RNF145: variants seen among roughly 807,000 people sequenced by gnomAD.
RNF145 encodes ring finger protein 145.
RNF145 carries 12 observed loss-of-function variants against 57.3 expected under a neutral mutation model. The ratio of observed to expected loss-of-function variants is 0.21; its 90% confidence interval spans 0.13 to 0.34. The LOEUF is 0.34. RNF145 is among the 10% of genes least tolerant of loss of function. The probability of loss-of-function intolerance (pLI) is 1.00; values close to 1 mark genes in which losing one functional copy is unlikely to be tolerated. For synonymous variants in RNF145, 262 were observed against 288.3 expected, an observed-to-expected ratio of 0.91 and a Z score of 0.92; for missense variants, 429 against 799.0, an observed-to-expected ratio of 0.54 and a Z score of 5.58.
rs1267002561 is a variant in RNF145 at position 159,198,482 on chromosome 5, C to CCAT, written c.185-3659_185-3658insATG. Among the ~76,000 whole-genome samples the CCAT allele has an allele frequency of 2.6e-5, 4 of 152,196 alleles. No homozygotes were observed. In the East Asian group the frequency reaches 7.7e-4, roughly 29 times the overall value. ...TAGCTTTGGGTATGGAGCTGCCAGT[C>CCAT]AGCCATGAGATACATATTTAAATAG... is the stretch of plus-strand genomic sequence containing the variant. On this transcript the variant is annotated intron_variant, in intron 2 of 10. Transcript: ENST00000424310.
At chr5:159,176,915 C>T in intron 4 of RNF145, 48 bp from the exon 5 acceptor site, 1 of 1,170,400 alleles carries the variant, frequency 8.5e-7, no homozygotes. Flanking sequence ...TTGGCATCCA[C>T]AAAATAAAAA....
At chr5:159,188,544 G>T (rs1295230938) in intron 3 of RNF145, among the ~76,000 whole-genome samples, 1 of 152,050 alleles carries the variant, frequency 6.6e-6, no homozygotes, top group Non-Finnish European at 1.5e-5. Flanking sequence ...CTTAGTTTTG[G>T]ATAGTCTCAA....
At chr5:159,166,261 C>A (rs1325984953) in intron 8 of RNF145, among the ~76,000 whole-genome samples, 5 of 152,148 alleles carry the variant, frequency 3.3e-5, no homozygotes, top group Admixed American at 2.0e-4. Context: ...CTTTCTCTTA[C>A]TGATGTGTAG....
rs1232263156 is a variant in RNF145, at chr5:159,157,965, T to C, written c.*705A>G. ...AGTATACAACATATTTAACAAAAGT[T>C]TCATATACATCAAAATACTGAAGAC... is the stretch of plus-strand genomic sequence containing the variant. On this transcript the variant is annotated 3_prime_UTR_variant, in exon 11 of 11. Coordinates refer to ENST00000424310, the MANE Select transcript of RNF145 (RefSeq NM_001199383.2). 6.5e-6 allele frequency: 1 copy of C among 152,760 alleles called. No individual in the cohort carries two copies. The highest frequency in any genetic ancestry group is 1.5e-5 in the Non-Finnish European group (1 of 68,070). The allele number at this position is 152,760 out of a possible 1,614,324, so 9.5% of individuals were successfully genotyped here. A position where few individuals can be genotyped will look rare whatever the true frequency, so the allele number is the denominator to read the frequency against.
At position 159,203,787 on chromosome 5, in the gene RNF145, C is replaced by G. The variant is rs1021428275; in HGVS notation, c.-39-131G>C. On this transcript the variant is annotated intron_variant, in intron 1 of 10. Coordinates refer to ENST00000424310, the MANE Select transcript of RNF145 (RefSeq NM_001199383.2). ...GTGAGAACGTATACTACTTCTCAGC[C>G]ACAACTACTATTTTTAGATATTCAT... is the stretch of plus-strand genomic sequence containing the variant. The G allele has an allele frequency of 7.8e-5, 48 of 615,150 alleles. 2 individuals are homozygous for G. The highest frequency in any genetic ancestry group is 2.0e-5 in the Non-Finnish European group (7 of 353,032). 38.1% of individuals were successfully genotyped at this position (615,150 alleles called of 1,614,324 possible).
chr5:159,203,717 C>A (rs1785757591), intron 1 of RNF145, 61 bp from the exon 2 acceptor site: 7 of 1,089,888 alleles, frequency 6.4e-6, no homozygotes, highest in East Asian at 5.0e-5. Flanking sequence ...CTTTTAGATA[C>A]CCTTTCACGA....
intron 9 of RNF145, 148 bp downstream of exon 9, chr5:159,162,784 A>T (rs1335688234): frequency 3.2e-6 from 2 of 621,722 alleles, no homozygotes; most frequent in East Asian, 6.0e-5. Context: ...TGCTCAAATA[A>T]ATGTAATGTG....
At chr5:159,184,469 G>C (rs185844036) in intron 3 of RNF145, among the ~76,000 whole-genome samples, 1 of 152,120 alleles carries the variant, frequency 6.6e-6, no homozygotes, top group African/African-American at 2.4e-5. Flanking sequence ...TTATAAACAG[G>C]GAGGGGAGAT....
chr5:159,158,733 A>C lies in RNF145; in HGVS notation c.1929T>G (p.Ala643=). ...IARRPDNQEG[A]FDPKEYPHSA... is the part of the protein sequence containing the mutation. Reference sequence around the variant, plus strand: ...TGTGAGGATATTCTTTGGGGTCAAAAGCCCCTTCCTGGTTATCTGGTCGTC... The same window carrying C: ...TGTGAGGATATTCTTTGGGGTCAAACGCCCCTTCCTGGTTATCTGGTCGTC... The change falls in exon 11 of 11, where the codon GCT becomes GCG. Residue 643 remains alanine (A), a synonymous_variant. Coordinates refer to ENST00000424310, the MANE Select transcript of RNF145 (RefSeq NM_001199383.2). The C allele has an allele frequency of 6.2e-7, 1 of 1,613,958 alleles. No homozygotes were observed.
intron 6 of RNF145, among the ~76,000 whole-genome samples, chr5:159,173,402 G>A (rs755655818): frequency 5.9e-5 from 9 of 152,150 alleles, no homozygotes; most frequent in African/African-American, 1.4e-4. Context: ...ACCAATTACC[G>A]GACTCTTTCT....
intron 9 of RNF145, 50 bp from the exon 10 acceptor site, chr5:159,161,672 A>G: frequency 1.9e-6 from 2 of 1,064,594 alleles, no homozygotes; most frequent in Non-Finnish European, 2.8e-6. Context: ...TCACTAAGAT[A>G]CTTTTTTCAT....
intron 3 of RNF145, among the ~76,000 whole-genome samples, chr5:159,190,882 T>C (rs561478711): frequency 3.3e-5 from 5 of 152,228 alleles, no homozygotes; most frequent in East Asian, 1.9e-4. Context: ...TACTATCATA[T>C]AGTATAAATT....
At chr5:159,189,878 A>C (rs1785226258) in intron 3 of RNF145, among the ~76,000 whole-genome samples, 1 of 152,248 alleles carries the variant, frequency 6.6e-6, no homozygotes, top group South Asian at 2.1e-4. Context: ...GACAGGTGAT[A>C]GACTGACAGT....
chr5:159,207,595 A>C (rs1359921644), intron 1 of RNF145: 1 of 1,593,084 alleles, frequency 6.3e-7, no homozygotes, highest in Non-Finnish European at 8.5e-7. Flanking sequence ...GCCTCACTGA[A>C]AATGTTAAGA....
intron 6 of RNF145, 83 bp from the exon 7 acceptor site, chr5:159,169,902 G>T: frequency 8.9e-7 from 1 of 1,127,496 alleles, no homozygotes; most frequent in Non-Finnish European, 1.2e-6. Flanking sequence ...TAATCACCAA[G>T]CTTGATTTGA....
At chr5:159,190,974 T>C (rs1474051124) in intron 3 of RNF145, among the ~76,000 whole-genome samples, 1 of 151,574 alleles carries the variant, frequency 6.6e-6, no homozygotes, top group Non-Finnish European at 1.5e-5. Context: ...CTCCATGAGA[T>C]GGCATTGTCT....
At chr5:159,187,807 C>A (rs938187316) in intron 3 of RNF145, among the ~76,000 whole-genome samples, 1 of 152,116 alleles carries the variant, frequency 6.6e-6, no homozygotes, top group Non-Finnish European at 1.5e-5. Flanking sequence ...GCAATGCATA[C>A]CCTGCCCAAA....
At chr5:159,207,327 A>AT in intron 1 of RNF145, 1 of 545,076 alleles carries the variant, frequency 1.8e-6, no homozygotes, top group Non-Finnish European at 3.2e-6. Flanking sequence ...TATTTCTCTT[A>AT]TTTGAGTTCT....
At chr5:159,207,912 G>A in intron 1 of RNF145, 1 of 1,611,764 alleles carries the variant, frequency 6.2e-7, no homozygotes, top group Non-Finnish European at 8.5e-7. Flanking sequence ...GCTCAGCCTG[G>A]GTCACGACTG....
Sources: gnomAD v4.1 joint callset for allele counts (sites outside exome capture counted in the v4.1 genomes callset) on GRCh38, gnomAD v4.1.1 for gene constraint, MANE v1.5 for transcripts, NCBI Gene and HGNC (gene_info 2026-07-23, HGNC 2026-07-21) for gene names.